ASXL2: variants seen among roughly 807,000 people sequenced by gnomAD.
The protein encoded by ASXL2 is ASXL transcriptional regulator 2.
ASXL2 carries 23 observed loss-of-function variants against 122.0 expected under a neutral mutation model. The observed-to-expected ratio is 0.19, with a 90% confidence interval of 0.14 to 0.27. ASXL2 has a LOEUF of 0.27. Ranked by LOEUF, ASXL2 falls within the 10% of genes least tolerant of loss-of-function variation. The probability of loss-of-function intolerance (pLI) is 1.00; values close to 1 mark genes in which losing one functional copy is unlikely to be tolerated. For missense variants in ASXL2, 1,518 were observed against 1,713.8 expected, an observed-to-expected ratio of 0.89 and a Z score of 2.02; for synonymous variants, 650 against 637.0, an observed-to-expected ratio of 1.02 and a Z score of -0.31.
intron 2 of ASXL2, among the ~76,000 whole-genome samples, chr2:25,840,980 A>T (rs963605217): frequency 6.6e-6 from 1 of 152,220 alleles, no homozygotes; most frequent in East Asian, 1.9e-4. Context: ...TTCATTCTGT[A>T]ATCTTTCTAA....
chr2:25,795,119 A>G (rs1413640145), intron 5 of ASXL2, among the ~76,000 whole-genome samples: 2 of 152,186 alleles, frequency 1.3e-5, no homozygotes, highest in Non-Finnish European at 2.9e-5. Flanking sequence ...ATCACATGTG[A>G]CATCATGCGC....
chr2:25,743,384 T>TTGCAG lies in ASXL2; in HGVS notation c.2948_2952dup (p.Lys985LeufsTer12), dbSNP rs2087873685. ...AGCGCTCCCATCCCCCTTTCCTCTT[T>TTGCAG]TGCAGTCAGTGGAACCGTTTTCATT... On this transcript the variant is annotated frameshift_variant, in exon 13 of 13. Coordinates refer to ENST00000435504, the MANE Select transcript of ASXL2 (RefSeq NM_018263.6). LOFTEE classifies it high-confidence loss of function. 6.2e-7 allele frequency: 1 copy of TTGCAG among 1,613,834 alleles called. No homozygotes were observed. The highest frequency in any genetic ancestry group is 1.3e-5 in the African/African-American group (1 of 74,918).
intron 5 of ASXL2, among the ~76,000 whole-genome samples, chr2:25,777,287 T>C (rs1049856327): frequency 4.6e-5 from 7 of 152,054 alleles, no homozygotes; most frequent in Non-Finnish European, 1.0e-4. Flanking sequence ...GATGGGGTCT[T>C]GCTATGTTGT....
At chr2:25,865,537 G>A (rs1220341378) in intron 1 of ASXL2, among the ~76,000 whole-genome samples, 1 of 151,722 alleles carries the variant, frequency 6.6e-6, no homozygotes, top group African/African-American at 2.4e-5. Flanking sequence ...GGAGGCCAAG[G>A]TAGGCGGATA....
chr2:25,741,263 C>A lies in ASXL2; in HGVS notation c.*766G>T, dbSNP rs1221247607. ...AACAACACAGGGGGTCCCAGAGAGG[C>A]ACTCCCTTCACGGACTACATTCACT... On this transcript the variant is annotated 3_prime_UTR_variant, in exon 13 of 13. Transcript: ENST00000435504. 4.4e-6 allele frequency: 1 copy of A among 225,416 alleles called. No homozygotes were observed. Among genetic ancestry groups the A allele is most frequent in the African/African-American group, 2.2e-5 (1 of 44,878 alleles). 14.0% of individuals were successfully genotyped at this position (225,416 alleles called of 1,614,324 possible). A position where few individuals can be genotyped will look rare whatever the true frequency, so the allele number is the denominator to read the frequency against.
intron 3 of ASXL2, among the ~76,000 whole-genome samples, chr2:25,812,198 T>C (rs1398912742): frequency 1.3e-5 from 2 of 148,608 alleles, no homozygotes; most frequent in Non-Finnish European, 3.0e-5. Flanking sequence ...GTGGCTCGCG[T>C]CTATAATCCC....
At chr2:25,804,969 G>C (rs1026396627) in intron 4 of ASXL2, among the ~76,000 whole-genome samples, 2 of 152,170 alleles carry the variant, frequency 1.3e-5, no homozygotes, top group Non-Finnish European at 2.9e-5. Context: ...AGAATCGCTT[G>C]AACCCAGGAA....
chr2:25,772,600 G>T (rs180820145), intron 5 of ASXL2, among the ~76,000 whole-genome samples: 1 of 151,790 alleles, frequency 6.6e-6, no homozygotes, highest in Non-Finnish European at 1.5e-5. Flanking sequence ...GTGTGGTGGT[G>T]TATGCCTGTA....
rs778009758 is a variant in ASXL2 at position 25,799,475 on chromosome 2, G to T, written c.313C>A (p.Gln105Lys). 6.2e-7 allele frequency: 1 copy of T among 1,613,916 alleles called. No individual in the cohort carries two copies. The highest frequency in any genetic ancestry group is 8.5e-7 in the Non-Finnish European group (1 of 1,179,882). ...SEGSEESSDGQSDSQSSENSS... is the reference protein window; with the variant it reads ...SEGSEESSDGKSDSQSSENSS... ...TTCTCAGAACTCTGGGAATCTGACT[G>T]ACCATCACTGCTTTCTTCTGAACCT... Residue 105 changes from glutamine to lysine, a missense_variant, in exon 5 of 13, where the codon CAG (glutamine) becomes AAG (lysine). Transcript: ENST00000435504.
intron 3 of ASXL2, among the ~76,000 whole-genome samples, chr2:25,827,037 T>C (rs1385666151): frequency 6.8e-6 from 1 of 147,836 alleles, no homozygotes; most frequent in Non-Finnish European, 1.5e-5. Context: ...AGGGTCTCCC[T>C]ATGTTGCCCA....
At chr2:25,861,716 A>G (rs1214100562) in intron 1 of ASXL2, among the ~76,000 whole-genome samples, 1 of 152,248 alleles carries the variant, frequency 6.6e-6, no homozygotes, top group African/African-American at 2.4e-5. Flanking sequence ...GCTCCTAGTC[A>G]GCCACGTATT....
intron 2 of ASXL2, among the ~76,000 whole-genome samples, chr2:25,842,072 A>T (rs1018834337): frequency 6.6e-6 from 1 of 151,610 alleles, no homozygotes; most frequent in African/African-American, 2.4e-5. Flanking sequence ...AGATCGCGCC[A>T]CTGCACTCCA....
chr2:25,867,688 T>A (rs1357008295), intron 1 of ASXL2, among the ~76,000 whole-genome samples: 1 of 152,192 alleles, frequency 6.6e-6, no homozygotes, highest in Non-Finnish European at 1.5e-5. Flanking sequence ...CCAGCTTCTA[T>A]AACCCTCCAC....
intron 11 of ASXL2, among the ~76,000 whole-genome samples, chr2:25,751,287 A>G (rs908331025): frequency 6.6e-6 from 1 of 152,230 alleles, no homozygotes; most frequent in Non-Finnish European, 1.5e-5. Flanking sequence ...AAGCTGACAA[A>G]AAGTAATAGT....
chr2:25,772,162 G>T (rs181113756), intron 5 of ASXL2, among the ~76,000 whole-genome samples: 15 of 152,252 alleles, frequency 9.9e-5, no homozygotes, highest in African/African-American at 3.6e-4. Flanking sequence ...GGTCTTATGC[G>T]AACAAGGGTT....
chr2:25,740,757 C>T lies in ASXL2; in HGVS notation c.*1272G>A, dbSNP rs1172211587. The stretch of plus-strand genomic sequence containing the variant: ...CTCTTTCCATTAGAAATTTCTAGTG[C>T]TCAGACAGCAGTAATCCAAACAAGG... On this transcript the variant is annotated 3_prime_UTR_variant, in exon 13 of 13. Coordinates refer to ENST00000435504, the MANE Select transcript of ASXL2 (RefSeq NM_018263.6). The T allele has an allele frequency of 1.2e-4, 25 of 204,016 alleles. No homozygotes were observed. The East Asian group carries it at 1.9e-3, about 15-fold the overall frequency. The allele number at this position is 204,016 out of a possible 1,614,324, so 12.6% of individuals were successfully genotyped here.
chr2:25,757,735 T>C (rs982893374), intron 9 of ASXL2, among the ~76,000 whole-genome samples: 6 of 99,826 alleles, frequency 6.0e-5, no homozygotes, highest in Admixed American at 6.0e-4. Context: ...TATGGGAAAA[T>C]GAACTAGATA....
chr2:25,825,388 T>C (rs573971031), intron 3 of ASXL2, among the ~76,000 whole-genome samples: 14 of 152,200 alleles, frequency 9.2e-5, no homozygotes, highest in Non-Finnish European at 1.9e-4. Context: ...AGTCACCCTG[T>C]TGAGCAACCT....
rs542098525 is a variant in ASXL2 at position 25,743,980 on chromosome 2, C to A, written c.2357G>T (p.Ser786Ile). The change falls in exon 13 of 13, where the codon AGT becomes ATT. Residue 786 changes from serine (S) to isoleucine (I), a missense_variant. Physicochemically the swap from Ser to Ile is moderately radical, Grantham distance 142 (BLOSUM62 -2). Around this residue, in one of 8 missense-constraint regions of ASXL2, gnomAD observed 831 missense variants for 833.1 expected, o/e 1.00. Coordinates refer to ENST00000435504, the MANE Select transcript of ASXL2 (RefSeq NM_018263.6). ...TPPVPPTPAV[S>I]GACTSVPSPA... Reference sequence around the variant, plus strand: ...TGATGGGACACTTGTGCATGCTCCACTGACGGCAGGTGTTGGAGGCACTGG... The same window carrying A: ...TGATGGGACACTTGTGCATGCTCCAATGACGGCAGGTGTTGGAGGCACTGG... 1 of 1,614,026 alleles carries A rather than the reference C, an allele frequency of 6.2e-7. No homozygotes were observed. The highest frequency in any genetic ancestry group is 8.5e-7 in the Non-Finnish European group (1 of 1,179,896).
Sources: allele counts gnomAD v4.1 joint callset (sites outside exome capture counted in the v4.1 genomes callset), GRCh38; gene constraint gnomAD v4.1.1; regional missense constraint gnomAD v4.1.1; transcripts MANE v1.5; gene names NCBI Gene and HGNC (gene_info 2026-07-23, HGNC 2026-07-21).